The following MKRN2OS variants were observed in gnomAD, a reference collection of about 807,000 sequenced individuals.
The protein encoded by MKRN2OS is MKRN2 opposite strand protein.
In MKRN2OS, 17 loss-of-function variants were observed where a neutral mutation model predicts 18.2. That is an observed-to-expected ratio of 0.93 (90% CI 0.64 to 1.40). The LOEUF is 1.40. Among genes scored for constraint, MKRN2OS ranks in the 40% most tolerant of loss-of-function variants. The pLI is 0.00. For missense variants in MKRN2OS, 337 were observed against 283.0 expected, an observed-to-expected ratio of 1.19 and a Z score of -1.37; for synonymous variants, 121 against 108.5, an observed-to-expected ratio of 1.12 and a Z score of -0.72.
chr3:12,547,575 C>T (rs191677870), upstream of MKRN2OS, among the ~76,000 whole-genome samples: 1 of 152,144 alleles, frequency 6.6e-6, no homozygotes, highest in Admixed American at 6.6e-5. Flanking sequence ...ATATTGTATA[C>T]TGTTTTGAAA....
rs563927821 is a variant in MKRN2OS, at chr3:12,544,675, G to C, written c.218+572C>G. Among the ~76,000 whole-genome samples, 5 of 102,258 alleles carry C rather than the reference G, an allele frequency of 4.9e-5. No individual in the cohort carries two copies. In the South Asian group the frequency reaches 1.1e-3, roughly 23 times the overall value. The allele number at this position is 102,258 out of a possible 152,430, so 67.1% of individuals were successfully genotyped here. On this transcript the variant is annotated intron_variant, in intron 1 of 3. Transcript: ENST00000564146. ...GCCTGGGCAACAAGAGCGAAACTCT[G>C]TCTCGGGGAAAAAAAAAAGGTATAA...
chr3:12,546,574 G>GGTTTTTTTTT (rs1559382062), upstream of MKRN2OS, among the ~76,000 whole-genome samples: 1 of 125,056 alleles, frequency 8.0e-6, no homozygotes, highest in African/African-American at 3.3e-5. Flanking sequence ...GGGTACATGG[G>GGTTTTTTTTT]ATTTTTTTTT....
downstream of MKRN2OS, among the ~76,000 whole-genome samples, chr3:12,551,436 G>C (rs1227062770): frequency 6.6e-6 from 1 of 151,744 alleles, no homozygotes; most frequent in Non-Finnish European, 1.5e-5. Flanking sequence ...CGAAGGCTGT[G>C]GTGAGCCAAG....
intron 1 of MKRN2OS, chr3:12,557,126 A>G (rs760454508): frequency 4.0e-6 from 6 of 1,496,960 alleles, no homozygotes; most frequent in Non-Finnish European, 5.3e-6. Flanking sequence ...CGGCGGCACG[A>G]CGACGGTCCC....
At chr3:12,557,068 G>A (rs1024189957) in intron 1 of MKRN2OS, 144 of 1,361,610 alleles carry the variant, frequency 1.1e-4, no homozygotes, top group Admixed American at 2.1e-4. Context: ...GGCTACGCGG[G>A]ATGGGCCGGG....
At chr3:12,557,976 C>G (rs1437616031) in intron 1 of MKRN2OS, among the ~76,000 whole-genome samples, 2 of 152,198 alleles carry the variant, frequency 1.3e-5, no homozygotes, top group African/African-American at 4.8e-5. Context: ...ATTGCTTGGT[C>G]AGCTTGTGGC....
chr3:12,540,207 C>G lies in MKRN2OS; in HGVS notation c.658G>C (p.Gly220Arg), dbSNP rs765811909. The G allele has an allele frequency of 5.9e-6, 9 of 1,536,144 alleles. No homozygotes were observed. The highest frequency in any genetic ancestry group is 1.7e-4 in the Middle Eastern group (1 of 5,990). The change falls in exon 4 of 4, where the codon GGC becomes CGC. Residue 220 changes from glycine to arginine, a missense_variant. Coordinates refer to ENST00000564146, the MANE Select transcript of MKRN2OS (RefSeq NM_001195279.2). The part of the protein sequence containing the change: ...PQQQAQPPEG[G>R]GLC Reference sequence around the variant, plus strand: ...TTACATAGCTCTCAGCACAAACCGCCGCCCTCAGGGGGTTGTGCCTGCTGC... The same window carrying G: ...TTACATAGCTCTCAGCACAAACCGCGGCCCTCAGGGGGTTGTGCCTGCTGC...
chr3:12,542,189 A>C (rs914377321), intron 2 of MKRN2OS, among the ~76,000 whole-genome samples, 167 bp from the exon 3 acceptor site: 1 of 152,150 alleles, frequency 6.6e-6, no homozygotes, highest in African/African-American at 2.4e-5. Flanking sequence ...ATTTGCCTAC[A>C]GTCATGGAGG....
chr3:12,546,575 ATT>A (rs1160434615), upstream of MKRN2OS, among the ~76,000 whole-genome samples: 1,363 of 97,100 alleles, frequency 0.014, 13 homozygotes, highest in African/African-American at 0.057. Context: ...GGTACATGGG[ATT>A]TTTTTTTTTT....
intron 1 of MKRN2OS, among the ~76,000 whole-genome samples, chr3:12,543,835 T>G (rs1190884251): frequency 4.0e-5 from 6 of 149,918 alleles, no homozygotes; most frequent in Non-Finnish European, 7.4e-5. Context: ...GAGGTGGCAG[T>G]GAGCCGAGAT....
At chr3:12,560,657 T>G (rs2058029629) in intron 1 of MKRN2OS, 1 of 152,266 alleles carries the variant, frequency 6.6e-6, no homozygotes, top group African/African-American at 2.4e-5. Flanking sequence ...GCAGTGAACC[T>G]GATATGCTCT....
upstream of MKRN2OS, among the ~76,000 whole-genome samples, chr3:12,548,000 T>G (rs1465167751): frequency 6.6e-6 from 1 of 151,354 alleles, no homozygotes; most frequent in Admixed American, 6.6e-5. Context: ...CCTGAGATTG[T>G]TCATTATTAA....
downstream of MKRN2OS, among the ~76,000 whole-genome samples, chr3:12,551,210 A>AT: frequency 6.8e-6 from 1 of 146,900 alleles, no homozygotes; most frequent in East Asian, 1.9e-4. Context: ...AAAAAAAAAA[A>AT]GCCCGGGCAC....
chr3:12,557,361 C>T (rs1223435756), intron 1 of MKRN2OS, among the ~76,000 whole-genome samples: 3 of 152,218 alleles, frequency 2.0e-5, no homozygotes, highest in African/African-American at 7.2e-5. Flanking sequence ...CCGGGGGATG[C>T]GTGGCCGAGA....
At chr3:12,554,686 T>C (rs2057953778) in intron 1 of MKRN2OS, among the ~76,000 whole-genome samples, 1 of 152,064 alleles carries the variant, frequency 6.6e-6, no homozygotes, top group South Asian at 2.1e-4. Flanking sequence ...AGGAAGAGGC[T>C]CTATGTACTG....
At chr3:12,550,270 TACC>T (rs1350654366), upstream of MKRN2OS, among the ~76,000 whole-genome samples, 1 of 152,140 alleles carries the variant, frequency 6.6e-6, no homozygotes, top group Non-Finnish European at 1.5e-5. Context: ...AGAAGCAAGA[TACC>T]AAGCCATGAA....
At chr3:12,549,744 G>A (rs2057914825), upstream of MKRN2OS, among the ~76,000 whole-genome samples, 1 of 152,076 alleles carries the variant, frequency 6.6e-6, no homozygotes, top group Non-Finnish European at 1.5e-5. Flanking sequence ...ATAGAGACAG[G>A]GTCTTGTTAT....
In MKRN2OS at chr3:12,540,011, C is replaced by G. The variant is rs940077701; in HGVS notation, c.*182G>C. The G allele has an allele frequency of 3.8e-6, 3 of 794,858 alleles. No homozygotes were observed. Among genetic ancestry groups the G allele is most frequent in the Admixed American group, 5.6e-5 (2 of 35,532 alleles). 49.2% of individuals were successfully genotyped at this position (794,858 alleles called of 1,614,324 possible). ...TGTTGGTCAGGCTGGTCTCAAACTCCCAACCTCAGGTGACCTACCTGTCTT... is the reference window on the plus strand; with the variant it reads ...TGTTGGTCAGGCTGGTCTCAAACTCGCAACCTCAGGTGACCTACCTGTCTT... On this transcript the variant is annotated 3_prime_UTR_variant, in exon 4 of 4. Transcript: ENST00000564146.
rs1203799381 is a variant in MKRN2OS at position 12,555,121 on chromosome 3, G to GCAA, written n.265-990_265-988dup. Among the ~76,000 whole-genome samples, 12 of 152,226 alleles carry GCAA rather than the reference G, an allele frequency of 7.9e-5. No individual in the cohort carries two copies. In the East Asian group the frequency reaches 1.9e-3, roughly 25 times the overall value. ...GCTCAGAAGTTCGAGACCAGCCTGG[G>GCAA]CAACAGGGTGAAACCCCGTCGCTAC... On this transcript the variant is annotated intron_variant and non_coding_transcript_variant, in intron 1 of 1. Coordinates refer to the MKRN2OS transcript ENST00000447550.
Sources: gnomAD v4.1 joint callset for allele counts (sites outside exome capture counted in the v4.1 genomes callset) on GRCh38, gnomAD v4.1.1 for gene constraint, MANE v1.5 for transcripts, NCBI Gene and HGNC (gene_info 2026-07-23, HGNC 2026-07-21) for gene names.